Variants in ZFP14 observed in about 807,000 individuals in gnomAD.
ZFP14 encodes the protein ZFP14 zinc finger protein.
In ZFP14, 22 loss-of-function variants were observed where a neutral mutation model predicts 54.5. The observed-to-expected ratio is 0.40, with a 90% confidence interval of 0.29 to 0.58. The LOEUF (loss-of-function observed/expected upper bound fraction) is 0.58. Ranked by LOEUF, ZFP14 falls within the 20% of genes least tolerant of loss-of-function variation. The probability of loss-of-function intolerance (pLI) is 0.39; values close to 1 mark genes in which losing one functional copy is unlikely to be tolerated. For synonymous variants in ZFP14, 159 were observed against 204.0 expected (o/e 0.78, Z 1.88); for missense variants, 470 against 637.8 (o/e 0.74, Z 2.83).
In ZFP14 at chr19:36,334,516, T is replaced by C. The variant is rs2031154874; in HGVS notation, c.*5708A>G. On this transcript the variant is annotated 3_prime_UTR_variant, in exon 5 of 5. Coordinates refer to ENST00000270001, the MANE Select transcript of ZFP14 (RefSeq NM_020917.3). ...ATTTATGTCCTTAATCATTGTTTAA[T>C]ATAATATATAAGCATGTTTAACACA... is the stretch of plus-strand genomic sequence containing the variant. 6.6e-6 allele frequency: 1 copy of C among 152,240 alleles called. No homozygotes were observed. Among genetic ancestry groups the C allele is most frequent in the Non-Finnish European group, 1.5e-5 (1 of 68,044 alleles). 9.4% of individuals were successfully genotyped at this position (152,240 alleles called of 1,614,324 possible). A position where few individuals can be genotyped will look rare whatever the true frequency, so the allele number is the denominator to read the frequency against.
intron 4 of ZFP14, among the ~76,000 whole-genome samples, chr19:36,343,780 C>T (rs2031365069): frequency 1.3e-5 from 2 of 152,146 alleles, no homozygotes; most frequent in South Asian, 4.1e-4. Context: ...AGGCAGCGCA[C>T]AGACCATCAA....
rs2031268185 is a variant in ZFP14, at chr19:36,339,446, C to T, written c.*778G>A. On this transcript the variant is annotated 3_prime_UTR_variant, in exon 5 of 5. Transcript: ENST00000270001. ...GAGTGTGGACTATCCTAGTAACTTA[C>T]TTCTACCAGTAGAAGGTGAGGGAAT... The T allele has an allele frequency of 6.6e-6, 1 of 152,186 alleles. No homozygotes were observed. The highest frequency in any genetic ancestry group is 1.5e-5 in the Non-Finnish European group (1 of 68,034). 9.4% of individuals were successfully genotyped at this position (152,186 alleles called of 1,614,324 possible). A position where few individuals can be genotyped will look rare whatever the true frequency, so the allele number is the denominator to read the frequency against.
intron 2 of ZFP14, among the ~76,000 whole-genome samples, chr19:36,367,390 T>C (rs926798146): frequency 6.6e-6 from 1 of 152,068 alleles, no homozygotes. Flanking sequence ...ATTTTGTAGG[T>C]AGGAGATGCT....
In ZFP14 at chr19:36,341,948, T is replaced by C. The variant is rs1382532612; in HGVS notation, c.236-358A>G. Among the ~76,000 whole-genome samples the C allele has an allele frequency of 6.6e-6, 1 of 151,720 alleles. No homozygotes were observed. Among genetic ancestry groups the C allele is most frequent in the Admixed American group, 6.6e-5 (1 of 15,216 alleles). On this transcript the variant is annotated intron_variant, in intron 4 of 4. Transcript: ENST00000270001. This position sits in a 1 kb window ranked among gnomAD's most constrained non-coding sequence, Gnocchi z 4.2. ...CTCACTGAAAGCTCCGCCTCCCGGG[T>C]TCACGCCATTCTCCTGCCTCAGCCT...
At chr19:36,355,195 A>C (rs2031593857) in intron 4 of ZFP14, among the ~76,000 whole-genome samples, 1 of 143,714 alleles carries the variant, frequency 7.0e-6, no homozygotes, top group Admixed American at 7.2e-5. Context: ...AATGAAAGAC[A>C]TATCAACCTA....
At chr19:36,345,971 T>C (rs1318992215) in intron 4 of ZFP14, among the ~76,000 whole-genome samples, 3 of 152,096 alleles carry the variant, frequency 2.0e-5, no homozygotes, top group Admixed American at 2.0e-4. Context: ...ATTTCATTAA[T>C]TAGATAACAG....
Position 36,369,171 on chromosome 19 carries a change from A to G in ZFP14, c.-79-1200T>C, listed in dbSNP as rs555625472. Among the ~76,000 whole-genome samples the G allele has an allele frequency of 6.6e-5, 10 of 152,028 alleles. No homozygotes were observed. The South Asian group carries it at 2.1e-3, about 32-fold the overall frequency. ...TTTCCTTTTAGTATCCAAGCTGGGG[A>G]CAGAAGGGATTCATGATTCCTGCAG... On this transcript the variant is annotated intron_variant, in intron 1 of 4. Transcript: ENST00000270001.
chr19:36,347,765 T>C (rs954672176), intron 4 of ZFP14, among the ~76,000 whole-genome samples: 1 of 151,518 alleles, frequency 6.6e-6, no homozygotes, highest in Non-Finnish European at 1.5e-5. Context: ...TCTTTGAGTA[T>C]AAAAATGAAA....
At chr19:36,352,928 G>A (rs1274696566) in intron 4 of ZFP14, among the ~76,000 whole-genome samples, 2 of 129,088 alleles carry the variant, frequency 1.5e-5, no homozygotes, top group African/African-American at 6.1e-5. Flanking sequence ...GCGACAGAGC[G>A]AGACTCTGTC....
intron 4 of ZFP14, among the ~76,000 whole-genome samples, chr19:36,350,812 G>A (rs2031511752): frequency 7.0e-6 from 1 of 142,080 alleles, no homozygotes; most frequent in South Asian, 2.2e-4. Flanking sequence ...ATCTCTGAAG[G>A]AGTTACAATA....
chr19:36,364,863 C>T (rs2031766799), intron 2 of ZFP14, among the ~76,000 whole-genome samples: 2 of 152,062 alleles, frequency 1.3e-5, no homozygotes, highest in Admixed American at 6.6e-5. Flanking sequence ...TCCCACTTAA[C>T]ATCAGTAATC....
At chr19:36,378,465 T>C (rs1312607396) in intron 1 of ZFP14, 2 of 151,334 alleles carry the variant, frequency 1.3e-5, no homozygotes, top group African/African-American at 4.9e-5. Flanking sequence ...AGCTGCTTCA[T>C]TGTTCAGTCC....
At position 36,353,912 on chromosome 19, in the gene ZFP14, A is replaced by G. The variant is rs2031570545; in HGVS notation, c.235+6523T>C. Among the ~76,000 whole-genome samples, 2 of 137,630 alleles carry G rather than the reference A, an allele frequency of 1.5e-5. 1 individual carries two copies. The highest frequency in any genetic ancestry group is 3.2e-5 in the Non-Finnish European group (2 of 62,684). 90.3% of individuals were successfully genotyped at this position (137,630 alleles called of 152,430 possible). On this transcript the variant is annotated intron_variant, in intron 4 of 4. Transcript: ENST00000270001. ...AACATAGCAAAACTCCCGTCTCTAC[A>G]AAAAATACAAAAATTTTCCAGCGGT... is the stretch of plus-strand genomic sequence containing the variant.
intron 1 of ZFP14, among the ~76,000 whole-genome samples, chr19:36,374,409 G>A (rs2031927872): frequency 6.7e-6 from 1 of 149,848 alleles, no homozygotes; most frequent in African/African-American, 2.5e-5. Context: ...AGAATCGCTT[G>A]AACCCAGGAG....
intron 1 of ZFP14, among the ~76,000 whole-genome samples, chr19:36,374,864 C>G (rs887326766): frequency 1.3e-5 from 2 of 152,110 alleles, no homozygotes; most frequent in African/African-American, 4.8e-5. Context: ...AAGACTTTCC[C>G]GGCTCAAGTT....
At chr19:36,371,716 T>C (rs1046775267) in intron 1 of ZFP14, among the ~76,000 whole-genome samples, 3 of 152,078 alleles carry the variant, frequency 2.0e-5, no homozygotes, top group Non-Finnish European at 2.9e-5. Flanking sequence ...CCCAGCACTT[T>C]GGGAGGCCAA....
intron 4 of ZFP14, among the ~76,000 whole-genome samples, chr19:36,358,095 CT>C (rs879664396): frequency 0.058 from 6,257 of 107,234 alleles, 140 homozygotes; most frequent in African/African-American, 0.079. Context: ...TATCTATCAT[CT>C]ATCTATCTAT....
chr19:36,362,163 C>G lies in ZFP14; in HGVS notation c.85G>C (p.Asp29His). 1 of 1,612,306 alleles carries G rather than the reference C, an allele frequency of 6.2e-7. No individual in the cohort carries two copies. The highest frequency in any genetic ancestry group is 8.5e-7 in the Non-Finnish European group (1 of 1,179,198). The change falls in exon 3 of 5, where the codon GAC (aspartate) becomes CAC (histidine). Residue 29 changes from aspartate (D) to histidine (H), a missense_variant. By Grantham distance (81) the Asp-to-His change is moderately conservative. Coordinates refer to ENST00000270001, the MANE Select transcript of ZFP14 (RefSeq NM_020917.3). Reference protein sequence around the residue: ...EWEFLDPAQRDLYRDVMWENY... With the variant: ...EWEFLDPAQRHLYRDVMWENY... ...TCCCACATTACATCCCTATATAAGT[C>G]CCTCTGAGCAGGATCCAGGAATTCC...
chr19:36,356,436 AAAAG>A (rs1042898472), intron 4 of ZFP14, among the ~76,000 whole-genome samples: 38 of 152,196 alleles, frequency 2.5e-4, no homozygotes, highest in African/African-American at 4.1e-4. Context: ...AAAAAAAAAA[AAAAG>A]AAAGAAATTA....
Sources: allele counts gnomAD v4.1 joint callset (sites outside exome capture counted in the v4.1 genomes callset), GRCh38; gene constraint gnomAD v4.1.1; non-coding constraint Gnocchi (gnomAD v3.1); transcripts MANE v1.5; gene names NCBI Gene and HGNC (gene_info 2026-07-23, HGNC 2026-07-21).